The following CDKL5 variants were observed in gnomAD, a reference collection of about 807,000 sequenced individuals.
CDKL5 encodes cyclin dependent kinase like 5.
Under a neutral mutation model 61.7 loss-of-function variants are expected in CDKL5, and 8 were observed. That is an observed-to-expected ratio of 0.13 (90% CI 0.08 to 0.23). The LOEUF (loss-of-function observed/expected upper bound fraction) is 0.23. CDKL5 is among the 10% of genes least tolerant of loss of function. CDKL5 has a pLI of 1.00. For missense variants in CDKL5, 440 were observed against 734.5 expected (o/e 0.60, Z 4.63); for synonymous variants, 275 against 272.3 (o/e 1.01, Z -0.10).
At chrX:18,612,648 T>G (rs1454679214) in intron 14 of CDKL5, among the ~76,000 whole-genome samples, 2 of 103,124 alleles carry the variant, frequency 1.9e-5, no homozygotes, top group Non-Finnish European at 3.9e-5. Flanking sequence ...TAACAGTCTC[T>G]TATTTAAAAA....
At chrX:18,461,317 A>G (rs921060880) in intron 1 of CDKL5, among the ~76,000 whole-genome samples, 1 of 112,380 alleles carries the variant, frequency 8.9e-6, no homozygotes, top group African/African-American at 3.2e-5. Flanking sequence ...ACAAAAGATT[A>G]AAGTTTGCCA....
At chrX:18,455,415 T>C (rs1163848209) in intron 1 of CDKL5, among the ~76,000 whole-genome samples, 1 of 112,764 alleles carries the variant, frequency 8.9e-6, no homozygotes, top group Non-Finnish European at 1.9e-5. Flanking sequence ...GAAATGCAAC[T>C]GACTTTTGGA....
chrX:18,575,552 CATT>C (rs1925272448), intron 5 of CDKL5, 62 bp downstream of exon 5: 1 of 1,063,063 alleles, frequency 9.4e-7, no homozygotes, highest in Admixed American at 2.2e-5. Flanking sequence ...CTGTTTCTGA[CATT>C]ATTTAAGAAA....
intron 1 of CDKL5, among the ~76,000 whole-genome samples, chrX:18,486,999 A>G (rs983114307): frequency 6.2e-5 from 7 of 112,054 alleles, no homozygotes; most frequent in African/African-American, 2.3e-4. Context: ...AGAAAAGAAG[A>G]AAGACCAGTG....
chrX:18,577,457 G>T (rs1442777539), intron 5 of CDKL5, among the ~76,000 whole-genome samples: 1 of 112,154 alleles, frequency 8.9e-6, no homozygotes, highest in Non-Finnish European at 1.9e-5. Context: ...TTCTCTAAGG[G>T]ATAAGGGACT....
At chrX:18,646,745 C>T (rs1789829087) in intron 20 of CDKL5, among the ~76,000 whole-genome samples, 1 of 111,023 alleles carries the variant, frequency 9.0e-6, no homozygotes, top group African/African-American at 3.3e-5. Context: ...GCTTTTGCAC[C>T]TGCTGTACCC....
chrX:18,484,983 T>A (rs1921739203), intron 1 of CDKL5, among the ~76,000 whole-genome samples: 1 of 111,067 alleles, frequency 9.0e-6, no homozygotes, highest in Non-Finnish European at 1.9e-5. Flanking sequence ...AAATAACAAC[T>A]AAGACCTCAT....
At chrX:18,566,754 G>T (rs1447815800) in intron 4 of CDKL5, among the ~76,000 whole-genome samples, 1 of 111,936 alleles carries the variant, frequency 8.9e-6, no homozygotes, top group East Asian at 2.8e-4. Context: ...TCATTTTGAG[G>T]TGAGAGAAAC....
chrX:18,577,367 T>G (rs1045531912), intron 5 of CDKL5, among the ~76,000 whole-genome samples: 1 of 111,381 alleles, frequency 9.0e-6, no homozygotes, highest in Non-Finnish European at 1.9e-5. Flanking sequence ...GGTTCTTAGG[T>G]AGAATGTGAC....
chrX:18,581,207 G>C lies in CDKL5; in HGVS notation c.404-684G>C, dbSNP rs575341278. Among the ~76,000 whole-genome samples, 490 of 111,527 alleles carry C rather than the reference G, an allele frequency of 4.4e-3. 2 individuals carry two copies. The Middle Eastern group carries it at 0.046, about 10-fold the overall frequency. ...TCTCTACCATATGATATAGATCATG[G>C]GTATTCTACTCTAAAAATACAATTG... On this transcript the variant is annotated intron_variant, in intron 6 of 17. Coordinates refer to ENST00000623535, the MANE Select transcript of CDKL5 (RefSeq NM_001323289.2).
intron 3 of CDKL5, among the ~76,000 whole-genome samples, chrX:18,551,411 C>A (rs1011281996): frequency 9.2e-6 from 1 of 108,630 alleles, no homozygotes; most frequent in African/African-American, 3.3e-5. Flanking sequence ...CAAGTACTTA[C>A]AAAGGATTTC....
chrX:18,647,011 G>C (rs1372379861), intron 20 of CDKL5, among the ~76,000 whole-genome samples: 1 of 110,808 alleles, frequency 9.0e-6, no homozygotes, highest in East Asian at 2.8e-4. Flanking sequence ...CCGCTTCCCA[G>C]GTTCAAGCAA....
intron 3 of CDKL5, among the ~76,000 whole-genome samples, chrX:18,522,793 ATTTTT>A (rs199694634): frequency 1.2e-5 from 1 of 84,639 alleles, no homozygotes. Context: ...AATATTATCG[ATTTTT>A]TTTTTTTTTT....
chrX:18,573,543 G>A (rs905347861), intron 4 of CDKL5, among the ~76,000 whole-genome samples: 1 of 112,090 alleles, frequency 8.9e-6, no homozygotes, highest in South Asian at 3.7e-4. Flanking sequence ...GGATGTCCCC[G>A]ATTGCATCTC....
At chrX:18,584,153 A>G in intron 7 of CDKL5, 110 bp from the exon 8 acceptor site, 1 of 566,527 alleles carries the variant, frequency 1.8e-6, no homozygotes, top group East Asian at 3.3e-5. Context: ...GAGAACAGTC[A>G]TTACATTCTT....
chrX:18,598,397 G>A (rs1926074679), intron 10 of CDKL5, 65 bp from the exon 11 acceptor site: 1 of 948,799 alleles, frequency 1.1e-6, no homozygotes. Flanking sequence ...AAAAAATAAG[G>A]TTTTTATTAG....
At chrX:18,620,695 C>T (rs1240650699) in intron 16 of CDKL5, among the ~76,000 whole-genome samples, 1 of 111,224 alleles carries the variant, frequency 9.0e-6, no homozygotes, top group Non-Finnish European at 1.9e-5. Flanking sequence ...GGCTGCATCC[C>T]CCTTTTCTTT....
In CDKL5 at chrX:18,434,366, T is replaced by C. The variant is rs536678316; in HGVS notation, c.-163+8671T>C. ...CCAGGCAGGTAAATCAATAACTCCT[T>C]GTGTGGTTGGTTGTGTCTGGATTTT... On this transcript the variant is annotated intron_variant, in intron 1 of 17. Transcript: ENST00000623535. Among the ~76,000 whole-genome samples the C allele has an allele frequency of 2.6e-4, 29 of 111,421 alleles. No homozygotes were observed. The South Asian group carries it at 0.011, about 42-fold the overall frequency.
At chrX:18,530,428 T>C (rs1372958809) in intron 3 of CDKL5, among the ~76,000 whole-genome samples, 1 of 111,459 alleles carries the variant, frequency 9.0e-6, no homozygotes, top group African/African-American at 3.3e-5. Context: ...GCCTAGTGAT[T>C]TTTTGCTCAG....
Sources: allele counts gnomAD v4.1 joint callset (sites outside exome capture counted in the v4.1 genomes callset), GRCh38; gene constraint gnomAD v4.1.1; transcripts MANE v1.5; gene names NCBI Gene and HGNC (gene_info 2026-07-23, HGNC 2026-07-21).